TSNARE1: variants seen among roughly 807,000 people sequenced by gnomAD.
The protein encoded by TSNARE1 is t-SNARE domain-containing protein 1.
A neutral mutation model predicts 62.0 loss-of-function variants in TSNARE1; 49 were observed. That is an observed-to-expected ratio of 0.79 (90% CI 0.63 to 1.00). The LOEUF (loss-of-function observed/expected upper bound fraction) is 1.00, where lower values mean the gene tolerates loss of function less well. TSNARE1 is among the 50% of genes least tolerant of loss of function. The pLI is 0.00. For synonymous variants in TSNARE1, 328 were observed against 294.4 expected (o/e 1.11, Z -1.17); for missense variants, 755 against 700.1 (o/e 1.08, Z -0.88).
chr8:142,360,555 C>T (rs557316089), intron 1 of TSNARE1, among the ~76,000 whole-genome samples: 3 of 152,170 alleles, frequency 2.0e-5, no homozygotes, highest in African/African-American at 7.2e-5. Context: ...GGCTTCCTAC[C>T]GAGCTGCTTC....
chr8:142,223,047 CTCAT>C (rs1563756612), intron 13 of TSNARE1, among the ~76,000 whole-genome samples: 2 of 128,234 alleles, frequency 1.6e-5, no homozygotes, highest in African/African-American at 5.6e-5. Flanking sequence ...CACTCACTCA[CTCAT>C]TCACTCATTC....
chr8:142,352,069 C>A (rs1294315875), intron 2 of TSNARE1, among the ~76,000 whole-genome samples: 2 of 152,260 alleles, frequency 1.3e-5, no homozygotes, highest in Non-Finnish European at 2.9e-5. Flanking sequence ...CTCAACGCTG[C>A]CCTGGCTGAG....
intron 12 of TSNARE1, among the ~76,000 whole-genome samples, chr8:142,255,741 T>C (rs866537972): frequency 0.013 from 16 of 1,204 alleles, no homozygotes; most frequent in Non-Finnish European, 0.015. Flanking sequence ...CCACCACCAC[T>C]GTCACCATCA....
At chr8:142,312,127 T>C (rs1827708037) in intron 9 of TSNARE1, among the ~76,000 whole-genome samples, 1 of 152,226 alleles carries the variant, frequency 6.6e-6, no homozygotes, top group African/African-American at 2.4e-5. Context: ...TCATCAAAAA[T>C]CCAAAAACCT....
intron 6 of TSNARE1, 129 bp downstream of exon 6, chr8:142,330,772 G>T: frequency 1.1e-6 from 1 of 872,450 alleles, no homozygotes; most frequent in Non-Finnish European, 1.8e-6. Flanking sequence ...GCGCACATGT[G>T]TGTCCAGGCA....
intron 1 of TSNARE1, among the ~76,000 whole-genome samples, chr8:142,381,385 C>T (rs563079432): frequency 1.8e-4 from 27 of 152,326 alleles, no homozygotes; most frequent in Admixed American, 5.9e-4. Context: ...AGCTGCCCAA[C>T]GCACTCCTGT....
intron 12 of TSNARE1, among the ~76,000 whole-genome samples, chr8:142,231,916 T>C (rs537435581): frequency 7.2e-5 from 11 of 152,212 alleles, no homozygotes; most frequent in Admixed American, 5.9e-4. Context: ...GCCATAAGAG[T>C]GCAAGGTGGA....
intron 12 of TSNARE1, among the ~76,000 whole-genome samples, chr8:142,239,305 C>T (rs1222294374): frequency 1.3e-5 from 2 of 152,216 alleles, no homozygotes; most frequent in Non-Finnish European, 2.9e-5. Context: ...ACGCCCTTTC[C>T]ACAAGGAGCC....
intron 1 of TSNARE1, among the ~76,000 whole-genome samples, chr8:142,396,375 G>C (rs1468055439): frequency 6.6e-6 from 1 of 152,022 alleles, no homozygotes; most frequent in Non-Finnish European, 1.5e-5. Context: ...AGCCTTATGG[G>C]AACAAGAATC....
At chr8:142,278,689 G>C (rs1435057976) in intron 11 of TSNARE1, 1 of 985,344 alleles carries the variant, frequency 1.0e-6, no homozygotes, top group Non-Finnish European at 1.2e-6. Context: ...TGACCAGACA[G>C]AAACGCCTGG....
At chr8:142,342,656 C>T (rs1832736932) in intron 4 of TSNARE1, among the ~76,000 whole-genome samples, 1 of 152,232 alleles carries the variant, frequency 6.6e-6, no homozygotes, top group African/African-American at 2.4e-5. Context: ...TGAGTGCACG[C>T]CATGTCTATG....
chr8:142,392,746 C>T (rs1365356419), intron 1 of TSNARE1, among the ~76,000 whole-genome samples: 3 of 151,936 alleles, frequency 2.0e-5, no homozygotes, highest in South Asian at 2.1e-4. Flanking sequence ...TTTGAGACCA[C>T]GCGGGCCAAC....
chr8:142,311,290 G>GTTTTTTTTTTTTTGTTTTT (rs1827550778), intron 9 of TSNARE1, among the ~76,000 whole-genome samples: 1 of 57,338 alleles, frequency 1.7e-5, no homozygotes, highest in Non-Finnish European at 2.9e-5. Flanking sequence ...AGCCTCTCTA[G>GTTTTTTTTTTTTTGTTTTT]TTTTTTTTTT....
At chr8:142,296,911 G>A (rs1297751452) in intron 10 of TSNARE1, among the ~76,000 whole-genome samples, 1 of 152,126 alleles carries the variant, frequency 6.6e-6, no homozygotes, top group Non-Finnish European at 1.5e-5. Flanking sequence ...GCTCTCCACT[G>A]TCTCCCGTGG....
At chr8:142,334,049 C>T (rs1481575456) in intron 4 of TSNARE1, among the ~76,000 whole-genome samples, 2 of 152,266 alleles carry the variant, frequency 1.3e-5, no homozygotes, top group Admixed American at 6.5e-5. Flanking sequence ...TTTATCTGTA[C>T]ATCTTGAGCT....
chr8:142,271,383 G>A, intron 12 of TSNARE1: 1 of 1,228,624 alleles, frequency 8.1e-7, no homozygotes, highest in East Asian at 3.3e-5. Flanking sequence ...CAGGAGGACA[G>A]CAGGGCGCCC....
intron 7 of TSNARE1, among the ~76,000 whole-genome samples, chr8:142,317,824 G>A (rs910719924): frequency 6.6e-6 from 1 of 152,210 alleles, no homozygotes; most frequent in African/African-American, 2.4e-5. Context: ...TGGGCATGGT[G>A]ACGGGCGCCT....
At chr8:142,358,955 C>T (rs1278041791) in intron 1 of TSNARE1, among the ~76,000 whole-genome samples, 3 of 152,080 alleles carry the variant, frequency 2.0e-5, no homozygotes, top group Admixed American at 1.3e-4. Context: ...GTGCCCACAC[C>T]GGCACCCAAG....
intron 13 of TSNARE1, among the ~76,000 whole-genome samples, chr8:142,218,876 CTTAA>C (rs1816074237): frequency 1.3e-5 from 2 of 152,198 alleles, no homozygotes; most frequent in South Asian, 4.1e-4. Context: ...GTGGATTTAA[CTTAA>C]TTATTCAATT....
Sources: allele counts gnomAD v4.1 joint callset (sites outside exome capture counted in the v4.1 genomes callset), GRCh38; gene constraint gnomAD v4.1.1; transcripts MANE v1.5; gene names NCBI Gene and HGNC (gene_info 2026-07-23, HGNC 2026-07-21).